Variants in FSTL5 observed in about 807,000 individuals in gnomAD.
FSTL5 encodes follistatin like 5.
A neutral mutation model predicts 89.1 loss-of-function variants in FSTL5; 62 were observed. That is an observed-to-expected ratio of 0.70 (90% CI 0.57 to 0.86). The LOEUF (loss-of-function observed/expected upper bound fraction) is 0.86. FSTL5 is among the 40% of genes least tolerant of loss of function. The probability of loss-of-function intolerance (pLI) is 0.00; values close to 1 mark genes in which losing one functional copy is unlikely to be tolerated. For missense variants in FSTL5, 1,057 were observed against 1,001.6 expected (o/e 1.06, Z -0.75); for synonymous variants, 383 against 346.2 (o/e 1.11, Z -1.18).
At chr4:162,092,342 A>C (rs1730581650) in intron 2 of FSTL5, among the ~76,000 whole-genome samples, 1 of 152,184 alleles carries the variant, frequency 6.6e-6, no homozygotes, top group Non-Finnish European at 1.5e-5. Flanking sequence ...TAAATCATTA[A>C]AAAGAAACAA....
intron 6 of FSTL5, among the ~76,000 whole-genome samples, chr4:161,731,187 CG>C (rs1165217061): frequency 5.9e-5 from 9 of 152,088 alleles, no homozygotes; most frequent in African/African-American, 2.2e-4. Context: ...TACATATCCA[CG>C]AAATGTCACA....
At position 162,059,887 on chromosome 4, in the gene FSTL5, G is replaced by GA. The variant is rs199538387; in HGVS notation, c.127-26230dup. Among the ~76,000 whole-genome samples the GA allele has an allele frequency of 4.1e-3, 624 of 152,198 alleles. 5 individuals are homozygous for GA. Among genetic ancestry groups the GA allele is most frequent in the African/African-American group, 0.014 (584 of 41,556 alleles). On this transcript the variant is annotated intron_variant, in intron 2 of 15. Coordinates refer to ENST00000306100, the MANE Select transcript of FSTL5 (RefSeq NM_020116.5). ...CTTTTGGATAAAGGTCACAGGTCTG[G>GA]AAAAAATCTTTCAGAATTTCTCAAA...
At chr4:161,699,400 A>G (rs1738296360) in intron 6 of FSTL5, among the ~76,000 whole-genome samples, 1 of 152,180 alleles carries the variant, frequency 6.6e-6, no homozygotes, top group Non-Finnish European at 1.5e-5. Context: ...ACATGGGTTC[A>G]TAGTCTTTTC....
chr4:161,600,010 G>A (rs368331615), intron 7 of FSTL5, among the ~76,000 whole-genome samples: 58 of 152,072 alleles, frequency 3.8e-4, no homozygotes, highest in Middle Eastern at 3.4e-3. Context: ...ATTTCAGAAA[G>A]TTTAAGTAAC....
chr4:162,130,666 T>G (rs1267551455), intron 1 of FSTL5, among the ~76,000 whole-genome samples: 1 of 152,080 alleles, frequency 6.6e-6, no homozygotes, highest in East Asian at 1.9e-4. Flanking sequence ...ATTTTCTGAG[T>G]GATTACCTTA....
chr4:161,680,394 C>G (rs1331723303), intron 6 of FSTL5, among the ~76,000 whole-genome samples: 1 of 151,898 alleles, frequency 6.6e-6, no homozygotes, highest in Non-Finnish European at 1.5e-5. Context: ...TACAACCTTT[C>G]CATCTCCCTA....
intron 4 of FSTL5, among the ~76,000 whole-genome samples, chr4:161,808,637 C>A (rs545358251): frequency 8.4e-4 from 126 of 150,862 alleles, no homozygotes; most frequent in African/African-American, 3.0e-3. Flanking sequence ...AAAAAAAAAA[C>A]CCAGATAAAA....
chr4:161,449,927 T>TA (rs1733104467), intron 15 of FSTL5, among the ~76,000 whole-genome samples: 1 of 152,172 alleles, frequency 6.6e-6, no homozygotes, highest in African/African-American at 2.4e-5. Context: ...TCAAAAGCTC[T>TA]AGGAAAGACT....
rs537976602 is a variant in FSTL5, at chr4:161,628,727, T to G, written c.894+27601A>C. On this transcript the variant is annotated intron_variant, in intron 7 of 15. Coordinates refer to ENST00000306100, the MANE Select transcript of FSTL5 (RefSeq NM_020116.5). Reference sequence around the variant, plus strand: ...TAATTGGTAATTTATTCCTTTTAACTTCCTATCAGGTTGGCCCTGCCAATC... The same window carrying G: ...TAATTGGTAATTTATTCCTTTTAACGTCCTATCAGGTTGGCCCTGCCAATC... Among the ~76,000 whole-genome samples, 5 of 152,274 alleles carry G rather than the reference T, an allele frequency of 3.3e-5. No homozygotes were observed. The South Asian group carries it at 1.0e-3, about 32-fold the overall frequency.
At chr4:161,860,689 C>G (rs570825662) in intron 4 of FSTL5, among the ~76,000 whole-genome samples, 291 of 152,226 alleles carry the variant, frequency 1.9e-3, no homozygotes, top group South Asian at 9.1e-3. Context: ...TTTGGTGATT[C>G]TCTGAGAAGG....
intron 11 of FSTL5, among the ~76,000 whole-genome samples, 181 bp downstream of exon 11, chr4:161,510,217 C>T (rs2126499557): frequency 6.6e-6 from 1 of 152,068 alleles, no homozygotes; most frequent in African/African-American, 2.4e-5. Flanking sequence ...TTTAATCAAG[C>T]TGATGAGAAC....
At chr4:161,469,336 T>G (rs2126430201) in intron 13 of FSTL5, among the ~76,000 whole-genome samples, 1 of 152,312 alleles carries the variant, frequency 6.6e-6, no homozygotes, top group South Asian at 2.1e-4. Flanking sequence ...GACACTTGAG[T>G]TACTTCCACA....
intron 7 of FSTL5, among the ~76,000 whole-genome samples, chr4:161,591,096 A>G (rs987555027): frequency 2.6e-5 from 4 of 152,240 alleles, no homozygotes; most frequent in African/African-American, 7.2e-5. Flanking sequence ...ATTTGACAAT[A>G]AAAAGGAATA....
At chr4:161,765,131 C>T (rs1740948171) in intron 5 of FSTL5, among the ~76,000 whole-genome samples, 1 of 152,196 alleles carries the variant, frequency 6.6e-6, no homozygotes, top group African/African-American at 2.4e-5. Flanking sequence ...CTAAGTCAAA[C>T]ACCTGGTTTC....
chr4:161,542,221 CTA>C (rs1264448887), intron 9 of FSTL5, among the ~76,000 whole-genome samples: 1 of 151,702 alleles, frequency 6.6e-6, no homozygotes, highest in Non-Finnish European at 1.5e-5. Flanking sequence ...ATAAAAGAAT[CTA>C]ATTATTCTGC....
At chr4:161,422,212 T>C in intron 15 of FSTL5, among the ~76,000 whole-genome samples, 1 of 152,206 alleles carries the variant, frequency 6.6e-6, no homozygotes, top group Non-Finnish European at 1.5e-5. Flanking sequence ...CCGTATTTCA[T>C]TTTTTATTAA....
At chr4:161,471,790 T>C (rs1053967143) in intron 13 of FSTL5, among the ~76,000 whole-genome samples, 1 of 152,208 alleles carries the variant, frequency 6.6e-6, no homozygotes, top group African/African-American at 2.4e-5. Context: ...TGTGTTTCCA[T>C]AAATTTGTCC....
chr4:161,514,042 A>G (rs1730737569), intron 10 of FSTL5, among the ~76,000 whole-genome samples: 1 of 152,174 alleles, frequency 6.6e-6, no homozygotes, highest in African/African-American at 2.4e-5. Flanking sequence ...AAGGACCGTC[A>G]ATATAATTTA....
At chr4:162,135,849 T>A (rs903604991) in intron 1 of FSTL5, among the ~76,000 whole-genome samples, 1 of 152,114 alleles carries the variant, frequency 6.6e-6, no homozygotes, top group East Asian at 1.9e-4. Flanking sequence ...ATTTTTGGAT[T>A]TTTTACTACT....
Sources: allele counts gnomAD v4.1 joint callset (sites outside exome capture counted in the v4.1 genomes callset), GRCh38; gene constraint gnomAD v4.1.1; transcripts MANE v1.5; gene names NCBI Gene and HGNC (gene_info 2026-07-23, HGNC 2026-07-21).